The following CA8 variants were observed in gnomAD, a reference collection of about 807,000 sequenced individuals.
CA8 encodes carbonic anhydrase 8 (inactive), also known as carbonic anhydrase-related protein.
Under a neutral mutation model 41.4 loss-of-function variants are expected in CA8, and 22 were observed. The ratio of observed to expected loss-of-function variants is 0.53; its 90% CI spans 0.38 to 0.76. CA8 has a LOEUF of 0.76. CA8 is among the 30% of genes least tolerant of loss of function. The pLI is 0.00. For synonymous variants in CA8, 121 were observed against 130.6 expected (o/e 0.93, Z 0.50); for missense variants, 270 against 352.8 (o/e 0.77, Z 1.88).
intron 2 of CA8, 151 bp from the exon 3 acceptor site, chr8:60,266,200 G>A: frequency 1.4e-6 from 1 of 731,666 alleles, no homozygotes; most frequent in Non-Finnish European, 2.2e-6. Flanking sequence ...TCACAACTGT[G>A]AGGTGAATTT....
Position 60,195,342 on chromosome 8 carries a change from C to A in CA8, c.*36-5357G>T, listed in dbSNP as rs140718135. 5.3e-4 allele frequency among the ~76,000 whole-genome samples: 80 copies of A among 152,266 alleles called. 1 individual carries two copies. Among genetic ancestry groups the A allele is most frequent in the African/African-American group, 1.9e-3 (77 of 41,556 alleles). Reference sequence around the variant, plus strand: ...CCAAGGGAATGAGTGCAAAGCAAATCACTACTGGAGAATTTCCTGAAAAGC... The same window carrying A: ...CCAAGGGAATGAGTGCAAAGCAAATAACTACTGGAGAATTTCCTGAAAAGC... On this transcript the variant is annotated intron_variant, in intron 8 of 8. Coordinates refer to ENST00000317995, the MANE Select transcript of CA8 (RefSeq NM_004056.6).
At chr8:60,280,136 T>C (rs1266411308) in intron 1 of CA8, among the ~76,000 whole-genome samples, 1 of 152,132 alleles carries the variant, frequency 6.6e-6, no homozygotes, top group Non-Finnish European at 1.5e-5. Context: ...ACATAATAAT[T>C]TATGATTCTA....
At position 60,266,022 on chromosome 8, in the gene CA8, C is replaced by T; in HGVS notation, c.320G>A (p.Gly107Glu). 6.2e-7 allele frequency: 1 copy of T among 1,613,704 alleles called. No individual in the cohort carries two copies. Among genetic ancestry groups the T allele is most frequent in the Non-Finnish European group, 8.5e-7 (1 of 1,179,668 alleles). ...CACTTCGTACAGTTCAAATTCATGC[C>T]CTTGAGGCAATGGTCCTCCCGAAAG... ...SVLSGGPLPQGHEFELYEVRF... is the reference protein window; with the variant it reads ...SVLSGGPLPQEHEFELYEVRF... Residue 107 changes from glycine to glutamate, a missense_variant, in exon 3 of 9, where the codon GGG (glycine) becomes GAG (glutamate). Around this residue, in one of 3 missense-constraint regions of CA8, gnomAD observed 123 missense variants for 136.8 expected, o/e 0.90. Coordinates refer to ENST00000317995, the MANE Select transcript of CA8 (RefSeq NM_004056.6).
At chr8:60,199,589 T>C (rs1230760077) in intron 8 of CA8, among the ~76,000 whole-genome samples, 1 of 152,188 alleles carries the variant, frequency 6.6e-6, no homozygotes, top group Non-Finnish European at 1.5e-5. Context: ...AATGTGGTTT[T>C]ACAGTTTTAA....
intron 3 of CA8, among the ~76,000 whole-genome samples, chr8:60,234,765 GAA>G (rs1448014036): frequency 1.3e-5 from 2 of 152,126 alleles, no homozygotes; most frequent in African/African-American, 4.8e-5. Context: ...TTCCAGGGCA[GAA>G]GAGATTCTCC....
At chr8:60,201,619 C>CT (rs771684816) in intron 8 of CA8, among the ~76,000 whole-genome samples, 5 of 152,092 alleles carry the variant, frequency 3.3e-5, no homozygotes, top group Non-Finnish European at 5.9e-5. Flanking sequence ...ATGAACATTC[C>CT]TTTTGTTGCA....
chr8:60,253,780 C>T (rs1808529713), intron 3 of CA8, among the ~76,000 whole-genome samples: 1 of 152,142 alleles, frequency 6.6e-6, no homozygotes, highest in South Asian at 2.1e-4. Context: ...CCTTGTTTAC[C>T]CAGCGAACTC....
intron 3 of CA8, among the ~76,000 whole-genome samples, chr8:60,236,412 C>A (rs1807832093): frequency 6.6e-6 from 1 of 152,200 alleles, no homozygotes; most frequent in African/African-American, 2.4e-5. Context: ...TCTCTTCTTT[C>A]TCCCTCTGTT....
chr8:60,249,961 G>A (rs892657321), intron 3 of CA8, among the ~76,000 whole-genome samples: 4 of 152,116 alleles, frequency 2.6e-5, no homozygotes, highest in East Asian at 3.9e-4. Flanking sequence ...ATCATAATAC[G>A]CAAAGTGGGA....
chr8:60,250,053 T>C (rs1808393846), intron 3 of CA8, among the ~76,000 whole-genome samples: 2 of 152,174 alleles, frequency 1.3e-5, no homozygotes, highest in Admixed American at 6.5e-5. Context: ...CTCAGAAACA[T>C]TACATATTCC....
chr8:60,193,447 T>G (rs1288959346), intron 8 of CA8, among the ~76,000 whole-genome samples: 1 of 152,188 alleles, frequency 6.6e-6, no homozygotes, highest in Non-Finnish European at 1.5e-5. Flanking sequence ...CACATCTTTT[T>G]CCTTAGCTTA....
intron 3 of CA8, among the ~76,000 whole-genome samples, chr8:60,255,169 A>C (rs1248834379): frequency 1.3e-5 from 2 of 152,002 alleles, no homozygotes; most frequent in African/African-American, 2.4e-5. Flanking sequence ...CTCCTCCTGT[A>C]TTCTGTTTCA....
chr8:60,222,707 C>T lies in CA8; in HGVS notation c.680G>A (p.Cys227Tyr), dbSNP rs1240360451. Reference sequence around the variant, plus strand: ...TAATATCCAGGTGACACCTTCACTGCAAGGTGGGATGGTGAGAGAGCCTTC... The same window carrying T: ...TAATATCCAGGTGACACCTTCACTGTAAGGTGGGATGGTGAGAGAGCCTTC... ...VYEGSLTIPP[C>Y]SEGVTWILFR... The change falls in exon 7 of 9, where the codon TGC (cysteine) becomes TAC (tyrosine). Residue 227 changes from cysteine (C) to tyrosine (Y), a missense_variant. Transcript: ENST00000317995. 14 of 1,613,994 alleles carry T rather than the reference C, an allele frequency of 8.7e-6. No individual in the cohort carries two copies. Among genetic ancestry groups the T allele is most frequent in the Non-Finnish European group, 1.2e-5 (14 of 1,179,846 alleles).
At chr8:60,280,782 C>A (rs945386763) in intron 1 of CA8, among the ~76,000 whole-genome samples, 2 of 152,276 alleles carry the variant, frequency 1.3e-5, no homozygotes, top group African/African-American at 4.8e-5. Context: ...GCCCTCCGGA[C>A]CGCAGCAGGT....
intron 8 of CA8, among the ~76,000 whole-genome samples, chr8:60,192,852 A>C (rs1806168486): frequency 6.6e-6 from 1 of 151,706 alleles, no homozygotes; most frequent in Non-Finnish European, 1.5e-5. Flanking sequence ...TTGTATTGCT[A>C]CCTTTCAATT....
intron 2 of CA8, among the ~76,000 whole-genome samples, chr8:60,278,760 A>G (rs1307053987): frequency 6.6e-6 from 1 of 152,234 alleles, no homozygotes; most frequent in Non-Finnish European, 1.5e-5. Flanking sequence ...TGAATAAAAT[A>G]AATCCATAGC....
intron 8 of CA8, among the ~76,000 whole-genome samples, chr8:60,200,522 AAAT>A (rs770495803): frequency 4.6e-5 from 7 of 152,182 alleles, no homozygotes; most frequent in Non-Finnish European, 2.9e-5. Context: ...AATGAGATAA[AAAT>A]AATAACAAGA....
At chr8:60,260,767 T>A (rs1031826611) in intron 3 of CA8, among the ~76,000 whole-genome samples, 1 of 152,222 alleles carries the variant, frequency 6.6e-6, no homozygotes, top group Non-Finnish European at 1.5e-5. Context: ...ATCTTCAGAA[T>A]GTTCACTCTC....
intron 3 of CA8, among the ~76,000 whole-genome samples, chr8:60,241,559 CA>C (rs1808028715): frequency 6.6e-6 from 1 of 152,062 alleles, no homozygotes; most frequent in African/African-American, 2.4e-5. Context: ...ACTCTTCTCC[CA>C]AAAATGAAGC....
Sources: allele counts gnomAD v4.1 joint callset (sites outside exome capture counted in the v4.1 genomes callset), GRCh38; gene constraint gnomAD v4.1.1; regional missense constraint gnomAD v4.1.1; transcripts MANE v1.5; gene names NCBI Gene and HGNC (gene_info 2026-07-23, HGNC 2026-07-21).